ZNF343: variants seen among roughly 807,000 people sequenced by gnomAD.
The protein encoded by ZNF343 is zinc finger protein 343.
In ZNF343, 11 loss-of-function variants were observed where a neutral mutation model predicts 13.8. The ratio of observed to expected loss-of-function variants is 0.80; its 90% CI spans 0.50 to 1.32. The LOEUF is 1.32. Ranked by LOEUF, ZNF343 falls within the 40% of genes most tolerant of loss-of-function variation. ZNF343 has a pLI of 0.00. For missense variants in ZNF343, 658 were observed against 714.2 expected (o/e 0.92, Z 0.90); for synonymous variants, 248 against 260.0 (o/e 0.95, Z 0.44).
rs139024956 is a variant in ZNF343, at chr20:2,490,657, C to T, written c.304+2042G>A. Among the ~76,000 whole-genome samples, 1,346 of 151,908 alleles carry T rather than the reference C, an allele frequency of 8.9e-3. 21 individuals are homozygous for T. Among genetic ancestry groups the T allele is most frequent in the African/African-American group, 0.028 (1,160 of 41,382 alleles). Reference sequence around the variant, plus strand: ...GGTTCAAGTGAATCTCCTGCCTCAGCCTCCTGAGTAGCTGGGATTACAGGT... The same window carrying T: ...GGTTCAAGTGAATCTCCTGCCTCAGTCTCCTGAGTAGCTGGGATTACAGGT... On this transcript the variant is annotated intron_variant, in intron 5 of 5. Transcript: ENST00000278772.
upstream of ZNF343, among the ~76,000 whole-genome samples, chr20:2,511,395 C>T (rs1286630649): frequency 6.6e-6 from 1 of 152,170 alleles, no homozygotes; most frequent in Non-Finnish European, 1.5e-5. Flanking sequence ...CAGGCATGAG[C>T]CACCGCACCT....
At position 2,484,378 on chromosome 20, in the gene ZNF343, TGGGGAATGCCC is replaced by T. The variant is rs1334796684; in HGVS notation, c.572_582del (p.Arg191LysfsTer11). 6.2e-7 allele frequency: 1 copy of T among 1,614,130 alleles called. No homozygotes were observed. The highest frequency in any genetic ancestry group is 1.3e-5 in the African/African-American group (1 of 74,948). On this transcript the variant is annotated frameshift_variant, in exon 6 of 6. Transcript: ENST00000278772. LOFTEE classifies it low-confidence loss of function (END_TRUNC). Reference sequence around the variant, plus strand: ...CTTGCTGACTGTCTTTGGAGTGGGCTGGGGAATGCCCTTGAGGTTTCTCTCTCCTCTGTCCT... The same window carrying T: ...CTTGCTGACTGTCTTTGGAGTGGGCTTTGAGGTTTCTCTCTCCTCTGTCCT...
chr20:2,496,400 G>C (rs2085459726), intron 2 of ZNF343, among the ~76,000 whole-genome samples: 1 of 152,198 alleles, frequency 6.6e-6, no homozygotes, highest in South Asian at 2.1e-4. Context: ...AGTGGTGGCA[G>C]TTAAGAGCAG....
intron 1 of ZNF343, among the ~76,000 whole-genome samples, chr20:2,522,527 G>A (rs192949136): frequency 2.0e-5 from 3 of 152,304 alleles, no homozygotes; most frequent in East Asian, 1.9e-4. Context: ...CAGTTTGTTC[G>A]TCTGTCTTTC....
upstream of ZNF343, among the ~76,000 whole-genome samples, chr20:2,513,231 C>A (rs1465990430): frequency 6.6e-6 from 1 of 152,034 alleles, no homozygotes; most frequent in Non-Finnish European, 1.5e-5. Flanking sequence ...GGTCTAATGT[C>A]CAGAATATAT....
rs1268651674 is a variant in ZNF343 at position 2,484,280 on chromosome 20, G to T, written c.681C>A (p.Asp227Glu). 1.2e-6 allele frequency: 2 copies of T among 1,614,220 alleles called. No individual in the cohort carries two copies. The highest frequency in any genetic ancestry group is 1.7e-6 in the Non-Finnish European group (2 of 1,180,044). The change falls in exon 6 of 6, where the codon GAC becomes GAA. Residue 227 changes from aspartate (D) to glutamate (E), a missense_variant. Physicochemically the swap from Asp to Glu is conservative, Grantham distance 45. Transcript: ENST00000278772. ...SAQRPNPVQL[D>E]KGLKELETLR... ...AGGTTTCTAATTCCTTCAAGCCTTT[G>T]TCTAGCTGCACAGGGTTTGGTCTTT...
intron 1 of ZNF343, among the ~76,000 whole-genome samples, chr20:2,507,082 T>G (rs2085671811): frequency 6.6e-6 from 1 of 151,664 alleles, no homozygotes; most frequent in South Asian, 2.1e-4. Flanking sequence ...CTGACCAACA[T>G]GGAGAAACCC....
chr20:2,505,931 A>C (rs1372913033), intron 1 of ZNF343, among the ~76,000 whole-genome samples: 1 of 152,240 alleles, frequency 6.6e-6, no homozygotes, highest in Admixed American at 6.5e-5. Context: ...CAAAAGCCAA[A>C]ATTGACAAAC....
At position 2,483,789 on chromosome 20, in the gene ZNF343, C is replaced by CA. The variant is rs1353074564; in HGVS notation, c.1171dup (p.Cys391LeufsTer2). 6.2e-7 allele frequency: 1 copy of CA among 1,613,890 alleles called. No individual in the cohort carries two copies. The highest frequency in any genetic ancestry group is 1.3e-5 in the African/African-American group (1 of 74,858). On this transcript the variant is annotated frameshift_variant, in exon 6 of 6. Coordinates refer to ENST00000278772, the MANE Select transcript of ZNF343 (RefSeq NM_024325.6). LOFTEE classifies it low-confidence loss of function (END_TRUNC). ...GTGTTTTCTGAGGGTTGACTTATCA[C>CA]AAAAGCTTCGTCCACACTCCAGGCA...
chr20:2,522,627 C>T (rs369736583), intron 1 of ZNF343, among the ~76,000 whole-genome samples: 13 of 152,146 alleles, frequency 8.5e-5, no homozygotes, highest in Admixed American at 1.3e-4. Flanking sequence ...ATATTTACTC[C>T]GACTCATAAT....
rs1295604420 is a variant in ZNF343 at position 2,481,968 on chromosome 20, GT to G, written c.*1192del. On this transcript the variant is annotated 3_prime_UTR_variant, in exon 6 of 6. Transcript: ENST00000278772. ...TTTCCTGAAAATCCCTCAGAGGTGA[GT>G]GAGGTAGTGACTTGGGGTAGCAAGA... 1.1e-3 allele frequency: 170 copies of G among 152,314 alleles called. No individual in the cohort carries two copies. The highest frequency in any genetic ancestry group is 4.0e-3 in the African/African-American group (166 of 41,562). 9.4% of individuals were successfully genotyped at this position (152,314 alleles called of 1,614,324 possible).
intron 1 of ZNF343, among the ~76,000 whole-genome samples, chr20:2,515,799 C>G (rs563236337): frequency 6.6e-6 from 1 of 152,120 alleles, no homozygotes; most frequent in Non-Finnish European, 1.5e-5. Flanking sequence ...CCTTAGACTT[C>G]GAGGTTCAAC....
At chr20:2,515,785 T>G (rs2122756151) in intron 1 of ZNF343, among the ~76,000 whole-genome samples, 1 of 152,308 alleles carries the variant, frequency 6.6e-6, no homozygotes, top group East Asian at 1.9e-4. Flanking sequence ...GGCATGAACT[T>G]CAACCTTAGA....
In ZNF343 at chr20:2,497,877, C is replaced by T. The variant is rs537499250; in HGVS notation, c.-150+2779G>A. Among the ~76,000 whole-genome samples, 41 of 152,198 alleles carry T rather than the reference C, an allele frequency of 2.7e-4. No individual in the cohort carries two copies. The South Asian group carries it at 3.9e-3, about 15-fold the overall frequency. On this transcript the variant is annotated intron_variant, in intron 2 of 5. Transcript: ENST00000278772. Reference sequence around the variant, plus strand: ...CTGAACCCCCCGTACCCACCCGCCCCGGCTCCTTCATATGGCTCCTCCATA... The same window carrying T: ...CTGAACCCCCCGTACCCACCCGCCCTGGCTCCTTCATATGGCTCCTCCATA...
chr20:2,509,223 G>A (rs1401041849), upstream of ZNF343: 1 of 152,240 alleles, frequency 6.6e-6, no homozygotes, highest in African/African-American at 2.4e-5. Context: ...GAATCTAGCG[G>A]GAGCAATGCG....
chr20:2,501,289 G>C (rs1156945615), intron 1 of ZNF343, among the ~76,000 whole-genome samples: 4 of 152,208 alleles, frequency 2.6e-5, no homozygotes, highest in Admixed American at 2.0e-4. Flanking sequence ...TGAGGCTTGA[G>C]TAGGTAAACA....
chr20:2,509,376 G>GGCA (rs1367290799), upstream of ZNF343, among the ~76,000 whole-genome samples: 1 of 152,202 alleles, frequency 6.6e-6, no homozygotes, highest in Non-Finnish European at 1.5e-5. Context: ...ACACAGGCAG[G>GGCA]GCAAAGCCGC....
At chr20:2,512,424 A>G (rs1266263676), upstream of ZNF343, among the ~76,000 whole-genome samples, 1 of 152,216 alleles carries the variant, frequency 6.6e-6, no homozygotes, top group Non-Finnish European at 1.5e-5. Context: ...ACTTAATACA[A>G]AGCTTCAGTA....
chr20:2,521,989 G>C (rs1489940139), intron 1 of ZNF343, among the ~76,000 whole-genome samples: 1 of 152,158 alleles, frequency 6.6e-6, no homozygotes, highest in Non-Finnish European at 1.5e-5. Context: ...AGCATGTAAG[G>C]TTTGTTTAAA....
Sources: allele counts gnomAD v4.1 joint callset (sites outside exome capture counted in the v4.1 genomes callset), GRCh38; gene constraint gnomAD v4.1.1; transcripts MANE v1.5; gene names NCBI Gene and HGNC (gene_info 2026-07-23, HGNC 2026-07-21).